Variants in UBXN8 observed in about 807,000 individuals in gnomAD.
The protein encoded by UBXN8 is UBX domain protein 8, also known as UBX domain-containing protein 8.
UBXN8 carries 27 observed loss-of-function variants against 32.1 expected under a neutral mutation model. That is an observed-to-expected ratio of 0.84 (90% confidence interval 0.62 to 1.16). UBXN8 has a LOEUF of 1.16. Ranked by LOEUF, UBXN8 falls within the 50% of genes most tolerant of loss-of-function variation. The pLI is 0.00. For missense variants in UBXN8, 306 were observed against 311.4 expected, an observed-to-expected ratio of 0.98 and a Z score of 0.13; for synonymous variants, 109 against 111.8, an observed-to-expected ratio of 0.98 and a Z score of 0.16.
chr8:30,765,008 C>T (rs1174703821), intron 7 of UBXN8, among the ~76,000 whole-genome samples: 1 of 152,194 alleles, frequency 6.6e-6, no homozygotes, highest in South Asian at 2.1e-4. Flanking sequence ...CAAGATCGTG[C>T]CACTGCACTC....
chr8:30,730,869 A>G (rs574504091), upstream of UBXN8, among the ~76,000 whole-genome samples: 1 of 152,376 alleles, frequency 6.6e-6, no homozygotes, highest in East Asian at 1.9e-4. Context: ...GGATGAACAC[A>G]TCACAATTAT....
upstream of UBXN8, chr8:30,732,171 CG>C (rs1381510291): frequency 5.8e-6 from 2 of 345,788 alleles, no homozygotes; most frequent in African/African-American, 4.3e-5. Context: ...CCACCATCTT[CG>C]GGGAGGCATT....
At chr8:30,742,531 C>A, upstream of UBXN8, among the ~76,000 whole-genome samples, 1 of 151,262 alleles carries the variant, frequency 6.6e-6, no homozygotes. Context: ...TTTTTTTAGA[C>A]AGGTTTAGCT....
At position 30,756,902 on chromosome 8, in the gene UBXN8, G is replaced by A; in HGVS notation, c.528+15G>A. The A allele has an allele frequency of 6.2e-7, 1 of 1,613,586 alleles. No homozygotes were observed. Among genetic ancestry groups the A allele is most frequent in the Non-Finnish European group, 8.5e-7 (1 of 1,179,692 alleles). On this transcript the variant is annotated intron_variant, in intron 5 of 7. Transcript: ENST00000265616. ...CATGCAAGGAGGTAAAGTACTTCAT[G>A]CCTCTCATTGAATTGTGTCTGTGTG...
At chr8:30,748,430 A>C (rs1171137188) in intron 1 of UBXN8, among the ~76,000 whole-genome samples, 1 of 150,532 alleles carries the variant, frequency 6.6e-6, no homozygotes, top group Non-Finnish European at 1.5e-5. Flanking sequence ...CAACTGCTGC[A>C]CTCCAGCCTG....
intron 7 of UBXN8, among the ~76,000 whole-genome samples, chr8:30,764,123 C>T (rs941754627): frequency 1.3e-5 from 2 of 152,148 alleles, no homozygotes; most frequent in South Asian, 2.1e-4. Context: ...GGTATATTTC[C>T]GTCTCTAAGT....
rs145805348 is a variant in UBXN8 at position 30,763,431 on chromosome 8, T to TCA, written c.645+88_645+89dup. ...TCACATGCCGTGGGGGAAGGTGTGA[T>TCA]CACACTGTCATCTGCATCTCCCATC... is the stretch of plus-strand genomic sequence containing the variant. On this transcript the variant is annotated intron_variant, in intron 7 of 7. Transcript: ENST00000265616. 4.7e-3 allele frequency: 6,228 copies of TCA among 1,314,636 alleles called. 37 individuals are homozygous for TCA. Among genetic ancestry groups the TCA allele is most frequent in the Non-Finnish European group, 5.9e-3 (5,421 of 915,824 alleles). 81.4% of individuals were successfully genotyped at this position (1,314,636 alleles called of 1,614,324 possible).
chr8:30,754,595 T>A, intron 3 of UBXN8, 70 bp from the exon 4 acceptor site: 2 of 1,496,842 alleles, frequency 1.3e-6, no homozygotes, highest in Non-Finnish European at 1.8e-6. Context: ...TATTTACAAC[T>A]TTATAGACAG....
At position 30,747,264 on chromosome 8, in the gene UBXN8, C is replaced by T. The variant is rs867561667; in HGVS notation, c.88+2987C>T. On this transcript the variant is annotated intron_variant, in intron 1 of 7. Transcript: ENST00000265616. The stretch of plus-strand genomic sequence containing the variant: ...GATGTTTGCAAATTGCTTGTTAGAA[C>T]GAACAGCAGTAGTATGGAACATAAA... Among the ~76,000 whole-genome samples, 54 of 138,106 alleles carry T rather than the reference C, an allele frequency of 3.9e-4. 4 individuals are homozygous for T. Among genetic ancestry groups the T allele is most frequent in the Middle Eastern group, 3.8e-3 (1 of 266 alleles). The allele number at this position is 138,106 out of a possible 152,430, so 90.6% of individuals were successfully genotyped here. A position where few individuals can be genotyped will look rare whatever the true frequency, so the allele number is the denominator to read the frequency against.
chr8:30,763,847 C>T (rs900439908), intron 7 of UBXN8, among the ~76,000 whole-genome samples: 4 of 151,978 alleles, frequency 2.6e-5, no homozygotes, highest in East Asian at 3.9e-4. Context: ...GAAAATTAGC[C>T]GGGCATGGTG....
At chr8:30,729,258 A>T (rs1399037203), upstream of UBXN8, among the ~76,000 whole-genome samples, 5 of 152,244 alleles carry the variant, frequency 3.3e-5, no homozygotes, top group African/African-American at 4.8e-5. Context: ...TAGTCAGAGC[A>T]GTGCGTGGCA....
At chr8:30,751,358 A>G (rs1263706849) in intron 1 of UBXN8, 38 bp from the exon 2 acceptor site, 9 of 1,526,306 alleles carry the variant, frequency 5.9e-6, no homozygotes, top group Non-Finnish European at 7.1e-6. Context: ...TTAAAAAAAA[A>G]GTTTTGAATT....
At chr8:30,757,383 C>G (rs1805690549) in intron 5 of UBXN8, among the ~76,000 whole-genome samples, 1 of 151,838 alleles carries the variant, frequency 6.6e-6, no homozygotes, top group African/African-American at 2.4e-5. Flanking sequence ...AACCCCATCT[C>G]TACTAAAAAT....
chr8:30,757,887 T>C (rs952662231), intron 5 of UBXN8, among the ~76,000 whole-genome samples: 5 of 151,536 alleles, frequency 3.3e-5, no homozygotes, highest in African/African-American at 7.3e-5. Flanking sequence ...AGAATTGATA[T>C]TTTTTCTTTG....
intron 1 of UBXN8, among the ~76,000 whole-genome samples, chr8:30,736,958 G>A (rs1438305292): frequency 6.6e-6 from 1 of 152,022 alleles, no homozygotes; most frequent in Non-Finnish European, 1.5e-5. Context: ...GGTAATCAAT[G>A]TCTTAAATGT....
intron 1 of UBXN8, among the ~76,000 whole-genome samples, chr8:30,737,832 G>A (rs369210477): frequency 1.3e-5 from 2 of 152,038 alleles, no homozygotes; most frequent in Non-Finnish European, 2.9e-5. Flanking sequence ...TGGGCAACAC[G>A]ATTGGACCCT....
upstream of UBXN8, among the ~76,000 whole-genome samples, chr8:30,740,751 C>T (rs1805181528): frequency 6.6e-6 from 1 of 151,850 alleles, no homozygotes; most frequent in Non-Finnish European, 1.5e-5. Flanking sequence ...CAGTAACTTA[C>T]AGCTTAACAA....
At chr8:30,729,960 C>T (rs974794281), upstream of UBXN8, among the ~76,000 whole-genome samples, 1 of 152,186 alleles carries the variant, frequency 6.6e-6, no homozygotes, top group African/African-American at 2.4e-5. Context: ...CCGCTCCACC[C>T]ACCGAGGGAA....
intron 6 of UBXN8, 49 bp downstream of exon 6, chr8:30,760,978 T>G (rs1225145318): frequency 4.5e-6 from 6 of 1,319,514 alleles, no homozygotes; most frequent in Non-Finnish European, 5.2e-6. Context: ...CTATTTTCTT[T>G]GCTTAACATC....
Sources: gnomAD v4.1 joint callset for allele counts (sites outside exome capture counted in the v4.1 genomes callset) on GRCh38, gnomAD v4.1.1 for gene constraint, MANE v1.5 for transcripts, NCBI Gene and HGNC (gene_info 2026-07-23, HGNC 2026-07-21) for gene names.